The following VWC2L variants were observed in gnomAD, a reference collection of about 807,000 sequenced individuals.
The protein encoded by VWC2L is von Willebrand factor C domain containing 2 like, also known as von Willebrand factor C domain-containing protein 2-like.
Under a neutral mutation model 21.6 loss-of-function variants are expected in VWC2L, and 10 were observed. That is an observed-to-expected ratio of 0.46 (90% CI 0.29 to 0.78). The LOEUF is 0.78. VWC2L is among the 30% of genes least tolerant of loss of function. The probability of loss-of-function intolerance (pLI) is 0.10; values close to 1 mark genes in which losing one functional copy is unlikely to be tolerated. For synonymous variants in VWC2L, 96 were observed against 94.3 expected (o/e 1.02, Z -0.10); for missense variants, 209 against 277.1 (o/e 0.75, Z 1.74).
chr2:214,572,641 G>A (rs773345253), intron 3 of VWC2L, among the ~76,000 whole-genome samples: 37 of 152,184 alleles, frequency 2.4e-4, no homozygotes, highest in Non-Finnish European at 4.3e-4. Context: ...TATTAAGGAA[G>A]AAGGGCTAAA....
chr2:214,427,191 C>T (rs1702536835), intron 2 of VWC2L, among the ~76,000 whole-genome samples: 1 of 152,164 alleles, frequency 6.6e-6, no homozygotes, highest in Non-Finnish European at 1.5e-5. Context: ...AGCTTTATTG[C>T]TCTCTCCTAA....
At chr2:214,431,836 T>C (rs1162927748) in intron 2 of VWC2L, among the ~76,000 whole-genome samples, 1 of 152,244 alleles carries the variant, frequency 6.6e-6, no homozygotes, top group Non-Finnish European at 1.5e-5. Flanking sequence ...TGTCCAAATT[T>C]AGTTAGCACA....
At chr2:214,558,732 G>A (rs545530260) in intron 3 of VWC2L, among the ~76,000 whole-genome samples, 14 of 151,290 alleles carry the variant, frequency 9.3e-5, no homozygotes, top group Admixed American at 2.0e-4. Flanking sequence ...TAAAACCAGC[G>A]TCATCTATGT....
intron 3 of VWC2L, among the ~76,000 whole-genome samples, chr2:214,503,213 A>G (rs1688919846): frequency 6.6e-6 from 1 of 152,176 alleles, no homozygotes; most frequent in Non-Finnish European, 1.5e-5. Context: ...TAGCATCTAA[A>G]TCTTCAAAAT....
intron 3 of VWC2L, among the ~76,000 whole-genome samples, chr2:214,548,467 A>T (rs1689744202): frequency 6.6e-6 from 1 of 152,220 alleles, no homozygotes; most frequent in African/African-American, 2.4e-5. Context: ...CCTGCATGAT[A>T]TAAATACTCT....
Position 214,559,615 on chromosome 2 carries a change from A to ATT in VWC2L, c.521-16045_521-16044dup, listed in dbSNP as rs148202293. On this transcript the variant is annotated intron_variant, in intron 3 of 3. Coordinates refer to ENST00000312504, the MANE Select transcript of VWC2L (RefSeq NM_001080500.4). ...TTTAATCCCATTCTTTTCTTTTTTC[A>ATT]TTTTTTTTTTTTTGAGATAGATTTT... is the stretch of plus-strand genomic sequence containing the variant. Among the ~76,000 whole-genome samples the ATT allele has an allele frequency of 6.5e-3, 929 of 142,404 alleles. 5 individuals carry two copies. The highest frequency in any genetic ancestry group is 0.022 in the African/African-American group (875 of 39,760). The allele number at this position is 142,404 out of a possible 152,430, so 93.4% of individuals were successfully genotyped here.
At chr2:214,429,822 T>A (rs1227439425) in intron 2 of VWC2L, among the ~76,000 whole-genome samples, 1 of 151,996 alleles carries the variant, frequency 6.6e-6, no homozygotes, top group Non-Finnish European at 1.5e-5. Flanking sequence ...TATTTTATTT[T>A]TTATTATTAT....
Position 214,433,673 on chromosome 2 carries a change from C to G in VWC2L, c.391-2956C>G, listed in dbSNP as rs144591739. On this transcript the variant is annotated intron_variant, in intron 2 of 3. Transcript: ENST00000312504. Reference sequence around the variant, plus strand: ...ATGGGAAGGATTTTTAAAGTTTGAACTTAATGTCAAAGTAGCATGCTGCAC... The same window carrying G: ...ATGGGAAGGATTTTTAAAGTTTGAAGTTAATGTCAAAGTAGCATGCTGCAC... Among the ~76,000 whole-genome samples, 7 of 152,254 alleles carry G rather than the reference C, an allele frequency of 4.6e-5. No individual in the cohort carries two copies. In the East Asian group the frequency reaches 1.2e-3, roughly 25 times the overall value.
intron 3 of VWC2L, among the ~76,000 whole-genome samples, chr2:214,519,313 G>A (rs1689195099): frequency 6.6e-6 from 1 of 151,982 alleles, no homozygotes; most frequent in Non-Finnish European, 1.5e-5. Flanking sequence ...ACCTTTCATG[G>A]TCCTAGAAAT....
In VWC2L at chr2:214,414,538, C is replaced by T. The variant is rs1288854188; in HGVS notation, c.345C>T (p.Phe115=). Residue 115 remains phenylalanine, a synonymous_variant, in exon 2 of 4, where the codon TTC becomes TTT. Coordinates refer to ENST00000312504, the MANE Select transcript of VWC2L (RefSeq NM_001080500.4). ...CTGAGTGCAAAGAAGTAAAAAACTT[C>T]TGTGAATATCACGGGAAAAATTACA... ...CCPECKEVKN[F]CEYHGKNYKI... is the part of the protein sequence containing the mutation. The T allele has an allele frequency of 6.2e-7, 1 of 1,612,934 alleles. No homozygotes were observed. Among genetic ancestry groups the T allele is most frequent in the Admixed American group, 1.7e-5 (1 of 59,710 alleles).
chr2:214,435,655 T>C (rs1186337698), intron 2 of VWC2L, among the ~76,000 whole-genome samples: 1 of 152,124 alleles, frequency 6.6e-6, no homozygotes, highest in Non-Finnish European at 1.5e-5. Context: ...GGCTTCAGAT[T>C]GGAGGCAGAG....
intron 3 of VWC2L, among the ~76,000 whole-genome samples, chr2:214,472,762 T>C (rs540046694): frequency 6.6e-6 from 1 of 152,320 alleles, no homozygotes; most frequent in South Asian, 2.1e-4. Context: ...AATTCTTTGG[T>C]ACTTTTAGAA....
rs539993056 is a variant in VWC2L, at chr2:214,569,112, T to G, written c.521-6560T>G. On this transcript the variant is annotated intron_variant, in intron 3 of 3. Coordinates refer to ENST00000312504, the MANE Select transcript of VWC2L (RefSeq NM_001080500.4). ...TTACTCCAGCATTTCAGTAGATACT[T>G]CCAATGCCTCAAAGCAAAGGAGAAA... Among the ~76,000 whole-genome samples the G allele has an allele frequency of 2.6e-5, 4 of 152,318 alleles. No homozygotes were observed. In the South Asian group the frequency reaches 8.3e-4, roughly 32 times the overall value.
rs138396101 is a variant in VWC2L at position 214,456,794 on chromosome 2, T to C, written c.520+20036T>C. Among the ~76,000 whole-genome samples, 27 of 152,216 alleles carry C rather than the reference T, an allele frequency of 1.8e-4. No individual in the cohort carries two copies. In the East Asian group the frequency reaches 3.5e-3, roughly 20 times the overall value. Reference sequence around the variant, plus strand: ...TAGTTTTATTCTTTGCTTATGAACATCTACTTTTCCCAGTACCATTTATTG... The same window carrying C: ...TAGTTTTATTCTTTGCTTATGAACACCTACTTTTCCCAGTACCATTTATTG... On this transcript the variant is annotated intron_variant, in intron 3 of 3. Transcript: ENST00000312504.
intron 3 of VWC2L, among the ~76,000 whole-genome samples, chr2:214,500,437 A>C (rs1311207884): frequency 6.6e-6 from 1 of 152,196 alleles, no homozygotes; most frequent in Non-Finnish European, 1.5e-5. Context: ...TTGTGCATGG[A>C]TTCCATCTTC....
chr2:214,544,530 G>T (rs141996915), intron 3 of VWC2L, among the ~76,000 whole-genome samples: 2 of 152,192 alleles, frequency 1.3e-5, no homozygotes, highest in East Asian at 3.9e-4. Flanking sequence ...CCTAAGGACT[G>T]GTACGCTTGT....
chr2:214,443,511 G>T (rs1702793003), intron 3 of VWC2L, among the ~76,000 whole-genome samples: 1 of 152,144 alleles, frequency 6.6e-6, no homozygotes, highest in African/African-American at 2.4e-5. Flanking sequence ...TTTACTAGGG[G>T]TCTGCAAAGA....
intron 3 of VWC2L, chr2:214,472,012 C>A (rs1330321923): frequency 6.6e-6 from 1 of 152,144 alleles, no homozygotes; most frequent in African/African-American, 2.4e-5. Flanking sequence ...CTGCATTTCT[C>A]TTAATGATTG....
At chr2:214,501,721 CAAAAAAAAAAA>C (rs776608301) in intron 3 of VWC2L, among the ~76,000 whole-genome samples, 1,531 of 79,116 alleles carry the variant, frequency 0.019, 40 homozygotes, top group African/African-American at 0.072. Context: ...GACTCTGTCT[CAAAAAAAAAAA>C]AAAAAAAAAA....
Sources: allele counts gnomAD v4.1 joint callset (sites outside exome capture counted in the v4.1 genomes callset), GRCh38; gene constraint gnomAD v4.1.1; transcripts MANE v1.5; gene names NCBI Gene and HGNC (gene_info 2026-07-23, HGNC 2026-07-21).